Variants in FAM13B observed in about 807,000 individuals in gnomAD.
FAM13B encodes family with sequence similarity 13 member B.
Under a neutral mutation model 117.3 loss-of-function variants are expected in FAM13B, and 60 were observed. The observed-to-expected ratio is 0.51, with a 90% confidence interval of 0.42 to 0.63. The LOEUF (loss-of-function observed/expected upper bound fraction) is 0.63, where lower values mean the gene tolerates loss of function less well. Among genes scored for constraint, FAM13B ranks in the 30% least tolerant of loss-of-function variants. The probability of loss-of-function intolerance (pLI) is 0.00; values close to 1 mark genes in which losing one functional copy is unlikely to be tolerated. For missense variants in FAM13B, 972 were observed against 1,091.9 expected (o/e 0.89, Z 1.55); for synonymous variants, 332 against 356.1 (o/e 0.93, Z 0.76).
chr5:137,942,912 G>C lies in FAM13B; in HGVS notation c.2551C>G (p.Leu851Val). The C allele has an allele frequency of 6.2e-7, 1 of 1,613,532 alleles. No individual in the cohort carries two copies. The highest frequency in any genetic ancestry group is 8.5e-7 in the Non-Finnish European group (1 of 1,179,900). ...CGAGAACTTGACAATCGGAGATCCAGAGCCAGTTTTTCTTGATTTTCTTCA... is the reference window on the plus strand; with the variant it reads ...CGAGAACTTGACAATCGGAGATCCACAGCCAGTTTTTCTTGATTTTCTTCA... ...DVEENQEKLA[L>V]DLRLSSSRAA... is the part of the protein sequence containing the mutation. The change falls in exon 22 of 24, where the codon CTG becomes GTG. Residue 851 changes from leucine (L) to valine (V), a missense_variant. Leu to Val is a conservative substitution (Grantham distance 32). Transcript: ENST00000689681.
intron 1 of FAM13B, among the ~76,000 whole-genome samples, chr5:138,026,575 G>A (rs1788434075): frequency 6.9e-6 from 1 of 144,370 alleles, no homozygotes; most frequent in Non-Finnish European, 1.5e-5. Flanking sequence ...CTTCCAGTGA[G>A]CTGTGATCAT....
At chr5:138,040,654 T>C (rs916698642) in intron 1 of FAM13B, among the ~76,000 whole-genome samples, 1 of 152,100 alleles carries the variant, frequency 6.6e-6, no homozygotes, top group Non-Finnish European at 1.5e-5. Flanking sequence ...TTTTCCAGAA[T>C]TGAAGGTAAA....
At chr5:138,020,459 G>A (rs755873693) in intron 2 of FAM13B, among the ~76,000 whole-genome samples, 30 of 152,208 alleles carry the variant, frequency 2.0e-4, no homozygotes, top group Non-Finnish European at 4.3e-4. Context: ...ATTGTGATCA[G>A]TAAAGAAGTG....
chr5:137,942,403 C>T (rs781731284), intron 22 of FAM13B: 5 of 232,226 alleles, frequency 2.2e-5, no homozygotes, highest in South Asian at 1.8e-4. Context: ...CTCACTCTGT[C>T]GCCCAGGCTG....
At chr5:138,039,110 A>G (rs1424961975) in intron 1 of FAM13B, 1 of 152,244 alleles carries the variant, frequency 6.6e-6, no homozygotes, top group Non-Finnish European at 1.5e-5. Flanking sequence ...GGCCAATACT[A>G]TCATCAGCTA....
At chr5:137,962,557 C>G in intron 10 of FAM13B, 88 bp from the exon 11 acceptor site, 1 of 1,179,714 alleles carries the variant, frequency 8.5e-7, no homozygotes, top group Non-Finnish European at 1.2e-6. Context: ...TATTAGAATA[C>G]AGATTAGTCA....
chr5:137,986,085 TTAA>T (rs1242413903), intron 9 of FAM13B, among the ~76,000 whole-genome samples: 1 of 152,108 alleles, frequency 6.6e-6, no homozygotes, highest in Non-Finnish European at 1.5e-5. Flanking sequence ...GCTTTTTTTT[TTAA>T]TGTTTTTCTT....
intron 3 of FAM13B, 120 bp from the exon 4 acceptor site, chr5:138,018,634 G>T: frequency 1.1e-6 from 1 of 878,608 alleles, no homozygotes; most frequent in East Asian, 2.5e-5. Flanking sequence ...TGGCTCCCCT[G>T]ACTTGTCTAA....
intron 4 of FAM13B, among the ~76,000 whole-genome samples, chr5:138,014,567 A>C (rs1784821219): frequency 6.6e-6 from 1 of 152,222 alleles, no homozygotes; most frequent in South Asian, 2.1e-4. Context: ...CCCTGGTGTC[A>C]AAAAGGTTGG....
chr5:137,948,691 T>G (rs1436122718), intron 18 of FAM13B, among the ~76,000 whole-genome samples: 1 of 152,212 alleles, frequency 6.6e-6, no homozygotes. Context: ...ACCTGTTTCA[T>G]GCTCTTTATA....
chr5:137,984,924 A>G (rs1776790330), intron 10 of FAM13B, among the ~76,000 whole-genome samples: 1 of 151,530 alleles, frequency 6.6e-6, no homozygotes, highest in Non-Finnish European at 1.5e-5. Context: ...GCCCACCACC[A>G]CGCCCGGCTA....
rs774330398 is a variant in FAM13B at position 137,959,674 on chromosome 5, C to T, written c.1383G>A (p.Ala461=). The T allele has an allele frequency of 3.5e-5, 56 of 1,613,984 alleles. No homozygotes were observed. The highest frequency in any genetic ancestry group is 5.0e-5 in the Admixed American group (3 of 60,016). ...GATCTAAATGTGGAATACTGACACA[C>T]GCTGCTTCCCCTTGAACACCAACAC... ...GQSVGVQGEA[A]CVSIPHLDLK... The change falls in exon 13 of 24, where the codon GCG becomes GCA. Residue 461 remains alanine (A), a synonymous_variant. Coordinates refer to ENST00000689681, the MANE Select transcript of FAM13B (RefSeq NM_001385994.1).
In FAM13B at chr5:137,955,641, A is replaced by T. The variant is rs555652920; in HGVS notation, c.1507+836T>A. 1.1e-4 allele frequency among the ~76,000 whole-genome samples: 17 copies of T among 152,146 alleles called. 1 individual carries two copies. Among genetic ancestry groups the T allele is most frequent in the East Asian group, 5.8e-4 (3 of 5,178 alleles). On this transcript the variant is annotated intron_variant, in intron 14 of 23. Transcript: ENST00000689681. ...ACATTAGCTTTTTATTTATTTATTTATTTTTTTAGAGATGGAGTCTTGCTC... is the reference window on the plus strand; with the variant it reads ...ACATTAGCTTTTTATTTATTTATTTTTTTTTTTAGAGATGGAGTCTTGCTC...
At chr5:138,034,397 G>A (rs1299822810), upstream of FAM13B, among the ~76,000 whole-genome samples, 1 of 152,200 alleles carries the variant, frequency 6.6e-6, no homozygotes, top group Non-Finnish European at 1.5e-5. Context: ...TCCGTTAAGA[G>A]CATACAAAGG....
chr5:138,018,813 T>A, intron 3 of FAM13B, 142 bp downstream of exon 3: 1 of 727,998 alleles, frequency 1.4e-6, no homozygotes, highest in Non-Finnish European at 2.2e-6. Flanking sequence ...AAAATCACAC[T>A]AAAACATTAA....
chr5:138,038,675 A>G (rs1281081046), intron 1 of FAM13B: 1 of 152,240 alleles, frequency 6.6e-6, no homozygotes, highest in Non-Finnish European at 1.5e-5. Context: ...TTTTTCATAA[A>G]CAGAAAAATA....
Position 137,954,360 on chromosome 5 carries a change from A to G in FAM13B, c.1524T>C (p.Phe508=), listed in dbSNP as rs184928863. 1.2e-6 allele frequency: 2 copies of G among 1,613,398 alleles called. No individual in the cohort carries two copies. The highest frequency in any genetic ancestry group is 1.7e-4 in the Middle Eastern group (1 of 6,052). The change falls in exon 15 of 24, where the codon TTT becomes TTC. Residue 508 remains phenylalanine (F), a synonymous_variant. Coordinates refer to ENST00000689681, the MANE Select transcript of FAM13B (RefSeq NM_001385994.1). ...QRDGEEPFPA[F]KSWQEDSESG... is the part of the protein sequence containing the mutation. ...ACTCAGAGTCCTCCTGCCAAGACTT[A>G]AAAGCAGGAAATGGCTCTATAAAAC... is the stretch of plus-strand genomic sequence containing the variant.
intron 10 of FAM13B, among the ~76,000 whole-genome samples, chr5:137,964,311 A>C (rs1257894892): frequency 6.6e-6 from 1 of 151,842 alleles, no homozygotes; most frequent in African/African-American, 2.4e-5. Context: ...GGGTTTCGGC[A>C]TGTTGGCCAG....
intron 17 of FAM13B, 66 bp from the exon 18 acceptor site, chr5:137,949,250 A>G (rs546092927): frequency 7.6e-4 from 873 of 1,146,112 alleles, no homozygotes; most frequent in Non-Finnish European, 8.4e-4. Context: ...TCAAAGAATA[A>G]GCAAAATACA....
Sources: allele counts gnomAD v4.1 joint callset (sites outside exome capture counted in the v4.1 genomes callset), GRCh38; gene constraint gnomAD v4.1.1; transcripts MANE v1.5; gene names NCBI Gene and HGNC (gene_info 2026-07-23, HGNC 2026-07-21).